The following SHOX variants were observed in gnomAD, a reference collection of about 807,000 sequenced individuals.
SHOX encodes short stature homeobox protein.
SHOX carries 12 observed loss-of-function variants against 29.6 expected under a neutral mutation model. The observed-to-expected ratio is 0.41, with a 90% confidence interval of 0.26 to 0.66. SHOX has a LOEUF of 0.66. SHOX is among the 30% of genes least tolerant of loss of function. The pLI is 0.35. For synonymous variants in SHOX, 214 were observed against 200.6 expected, an observed-to-expected ratio of 1.07 and a Z score of -0.57; for missense variants, 499 against 437.7, an observed-to-expected ratio of 1.14 and a Z score of -1.25.
At chrX:639,282 G>T (rs1472698238) in intron 2 of SHOX, among the ~76,000 whole-genome samples, 1 of 152,196 alleles carries the variant, frequency 6.6e-6, no homozygotes, top group African/African-American at 2.4e-5. Flanking sequence ...CTATCCTTGG[G>T]CGTCCTCATG....
At chrX:624,430 C>T (rs750146845) in exon 1 of SHOX, 2 of 151,068 alleles carry the variant, frequency 1.3e-5, no homozygotes, top group East Asian at 2.0e-4. Context: ...CCGCGCGTCT[C>T]TTTCTACTGC....
chrX:634,602 T>C lies in SHOX; in HGVS notation c.278-16T>C, dbSNP rs762909724. ...CCTCCCCGGCCTCAGCCCTGTGCCC[T>C]CCGCTCCCCACGCAGGGATTTATGA... is the stretch of plus-strand genomic sequence containing the variant. On this transcript the variant is annotated splice_polypyrimidine_tract_variant and intron_variant, in intron 1 of 4. Coordinates refer to ENST00000686671, the MANE Select transcript of SHOX (RefSeq NM_000451.4). 6.2e-7 allele frequency: 1 copy of C among 1,612,730 alleles called. No homozygotes were observed. Among genetic ancestry groups the C allele is most frequent in the Non-Finnish European group, 8.5e-7 (1 of 1,179,718 alleles).
chrX:648,907 CCTTTCTTTCTTTTT>C lies in SHOX; in HGVS notation c.*4282_*4295del, dbSNP rs2124203832. 9.6e-6 allele frequency among the ~76,000 whole-genome samples: 1 copy of C among 104,604 alleles called. No homozygotes were observed. The highest frequency in any genetic ancestry group is 2.9e-5 in the African/African-American group (1 of 34,104). The allele number at this position is 104,604 out of a possible 152,430, so 68.6% of individuals were successfully genotyped here. A position where few individuals can be genotyped will look rare whatever the true frequency, so the allele number is the denominator to read the frequency against. ...CTCCCTTCTCCTTCCTTCCTTCCTT[CCTTTCTTTCTTTTT>C]CTTTCTTTCTCTCTTTCTTTCTTTT... On this transcript the variant is annotated 3_prime_UTR_variant, in exon 5 of 5. Coordinates refer to ENST00000686671, the MANE Select transcript of SHOX (RefSeq NM_000451.4).
intron 4 of SHOX, 66 bp from the exon 5 acceptor site, chrX:644,325 C>A: frequency 6.9e-7 from 1 of 1,450,372 alleles, no homozygotes. Flanking sequence ...TTTCCGGGGG[C>A]GCGGGGCGGA....
chrX:633,097 G>C (rs1205674035), intron 1 of SHOX, among the ~76,000 whole-genome samples: 1 of 152,164 alleles, frequency 6.6e-6, no homozygotes, highest in Non-Finnish European at 1.5e-5. Flanking sequence ...GGTGCAGAAA[G>C]ACCCCCGGGC....
downstream of SHOX, among the ~76,000 whole-genome samples, chrX:655,687 C>T (rs28362085): frequency 0.5 from 71,192 of 141,964 alleles, 18,319 homozygotes; most frequent in Middle Eastern, 0.59. Flanking sequence ...GTGACCAGCT[C>T]ATCTACTGGT....
chrX:629,669 A>G (rs2124149959), upstream of SHOX, among the ~76,000 whole-genome samples: 1 of 152,178 alleles, frequency 6.6e-6, no homozygotes, highest in South Asian at 2.1e-4. Flanking sequence ...TTCACAGCTC[A>G]GCTGTCATCC....
intron 2 of SHOX, among the ~76,000 whole-genome samples, chrX:635,202 G>C (rs1276964544): frequency 2.0e-5 from 3 of 152,100 alleles, no homozygotes; most frequent in Non-Finnish European, 4.4e-5. Context: ...CCTGGGATTG[G>C]TTATAGGGGC....
At chrX:655,281 G>C (rs888249115), downstream of SHOX, among the ~76,000 whole-genome samples, 2 of 151,520 alleles carry the variant, frequency 1.3e-5, no homozygotes, top group South Asian at 2.1e-4. Context: ...CTAATTTTTT[G>C]TATGTTTAGT....
chrX:630,526 G>C (rs2239401), upstream of SHOX: 2 of 395,838 alleles, frequency 5.1e-6, no homozygotes, highest in Admixed American at 4.1e-5. Flanking sequence ...TGTGTGGGGG[G>C]CTCGGGCGCC....
In SHOX at chrX:644,701, T is replaced by G. The variant is rs914344653; in HGVS notation, c.*65T>G. 3.0e-5 allele frequency: 41 copies of G among 1,361,296 alleles called. No individual in the cohort carries two copies. Among genetic ancestry groups the G allele is most frequent in the Admixed American group, 8.0e-5 (2 of 24,866 alleles). The allele number at this position is 1,361,296 out of a possible 1,614,324, so 84.3% of individuals were successfully genotyped here. ...CCGCGCACCCCGCCTGCACCGCGCGTCCTGCACTCAACCCCGCCTGGAGCT... is the reference window on the plus strand; with the variant it reads ...CCGCGCACCCCGCCTGCACCGCGCGGCCTGCACTCAACCCCGCCTGGAGCT... On this transcript the variant is annotated 3_prime_UTR_variant, in exon 5 of 5. Coordinates refer to ENST00000686671, the MANE Select transcript of SHOX (RefSeq NM_000451.4).
At chrX:629,685 C>T (rs1321503398), upstream of SHOX, among the ~76,000 whole-genome samples, 1 of 152,122 alleles carries the variant, frequency 6.6e-6, no homozygotes, top group African/African-American at 2.4e-5. Flanking sequence ...CATCCTGGGT[C>T]CCCAGGCCCC....
rs969790116 is a variant in SHOX at position 649,869 on chromosome X, G to C, written c.*5233G>C. On this transcript the variant is annotated 3_prime_UTR_variant, in exon 5 of 5. Transcript: ENST00000686671. ...GAGCAAAAAACACTTCTTCCTTTGAGTGGCTGTTCTGGTGAAATCTGTTTC... is the reference window on the plus strand; with the variant it reads ...GAGCAAAAAACACTTCTTCCTTTGACTGGCTGTTCTGGTGAAATCTGTTTC... 2.9e-5 allele frequency: 13 copies of C among 455,436 alleles called. No homozygotes were observed. Among genetic ancestry groups the C allele is most frequent in the Admixed American group, 2.8e-4 (12 of 42,460 alleles). 28.2% of individuals were successfully genotyped at this position (455,436 alleles called of 1,614,324 possible). A position where few individuals can be genotyped will look rare whatever the true frequency, so the allele number is the denominator to read the frequency against.
chrX:631,946 T>TG (rs1223493634), intron 1 of SHOX: 1 of 455,942 alleles, frequency 2.2e-6, no homozygotes, highest in African/African-American at 2.0e-5. Flanking sequence ...GCTCAGCGCC[T>TG]GCCGGGCCCC....
intron 4 of SHOX, among the ~76,000 whole-genome samples, chrX:643,467 CCTG>C (rs1470984484): frequency 7.3e-6 from 1 of 137,612 alleles, no homozygotes; most frequent in Non-Finnish European, 1.6e-5. Flanking sequence ...GCCTTGGGGA[CCTG>C]GTGTCCTGGG....
At position 657,019 on chromosome X, in the gene SHOX, A is replaced by T. The variant is rs868091971; in HGVS notation, c.634-1766A>T. ...AGACTCTGTCTCAAAAAAAAAAAAAATGCTGCCCAAGCTGTGTTTGCACCA... is the reference window on the plus strand; with the variant it reads ...AGACTCTGTCTCAAAAAAAAAAAAATTGCTGCCCAAGCTGTGTTTGCACCA... On this transcript the variant is annotated intron_variant, in intron 5 of 5. Transcript: ENST00000334060. 4.7e-4 allele frequency among the ~76,000 whole-genome samples: 32 copies of T among 68,694 alleles called. 1 individual carries two copies. Among genetic ancestry groups the T allele is most frequent in the East Asian group, 1.2e-3 (3 of 2,508 alleles). 45.1% of individuals were successfully genotyped at this position (68,694 alleles called of 152,430 possible). A position where few individuals can be genotyped will look rare whatever the true frequency, so the allele number is the denominator to read the frequency against.
At position 644,617 on chromosome X, in the gene SHOX, C is replaced by T. The variant is rs1195056311; in HGVS notation, c.860C>T (p.Ala287Val). 4 of 1,506,522 alleles carry T rather than the reference C, an allele frequency of 2.7e-6. No homozygotes were observed. Among genetic ancestry groups the T allele is most frequent in the Admixed American group, 2.1e-5 (1 of 48,390 alleles). The allele number at this position is 1,506,522 out of a possible 1,614,324, so 93.3% of individuals were successfully genotyped here. A position where few individuals can be genotyped will look rare whatever the true frequency, so the allele number is the denominator to read the frequency against. The change falls in exon 5 of 5, where the codon GCG (alanine) becomes GTG (valine). Residue 287 changes from alanine to valine, a missense_variant. Physicochemically the swap from Ala to Val is moderately conservative, Grantham distance 64. Coordinates refer to ENST00000686671, the MANE Select transcript of SHOX (RefSeq NM_000451.4). ...CTGCGGCTCAAGGCGCGGAAGCACG[C>T]GGAGGCCCTGGGGCTCTGACCCGCC... ...ADLRLKARKH[A>V]EALGL
chrX:636,219 C>T (rs1300768165), intron 2 of SHOX, among the ~76,000 whole-genome samples: 1 of 144,124 alleles, frequency 6.9e-6, no homozygotes, highest in Non-Finnish European at 1.5e-5. Context: ...TATATAAACA[C>T]ATATATAATA....
At chrX:630,520 T>G (rs1216177430), upstream of SHOX, 5 of 392,914 alleles carry the variant, frequency 1.3e-5, no homozygotes, top group South Asian at 2.7e-5. Flanking sequence ...GTAACCTGTG[T>G]GGGGGGCTCG....
Sources: gnomAD v4.1 joint callset for allele counts (sites outside exome capture counted in the v4.1 genomes callset) on GRCh38, gnomAD v4.1.1 for gene constraint, MANE v1.5 for transcripts, NCBI Gene and HGNC (gene_info 2026-07-23, HGNC 2026-07-21) for gene names.